TBX20: variants seen among roughly 807,000 people sequenced by gnomAD.
The protein encoded by TBX20 is T-box transcription factor TBX20.
A neutral mutation model predicts 42.9 loss-of-function variants in TBX20; 8 were observed. The ratio of observed to expected loss-of-function variants is 0.19; its 90% CI spans 0.11 to 0.34. TBX20 has a LOEUF of 0.34. TBX20 is among the 10% of genes least tolerant of loss of function. The pLI is 1.00. For synonymous variants in TBX20, 198 were observed against 222.8 expected (o/e 0.89, Z 0.99); for missense variants, 411 against 566.0 (o/e 0.73, Z 2.78).
At chr7:35,246,453 A>C (rs187727042) in intron 3 of TBX20, among the ~76,000 whole-genome samples, 44 of 152,298 alleles carry the variant, frequency 2.9e-4, no homozygotes, top group Non-Finnish European at 5.7e-4. Flanking sequence ...TAAAGTCCTA[A>C]AGTTGATGAA....
At position 35,243,706 on chromosome 7, in the gene TBX20, C is replaced by A. The variant is rs140824187; in HGVS notation, c.654+1243G>T. 6.4e-3 allele frequency among the ~76,000 whole-genome samples: 949 copies of A among 148,076 alleles called. 13 individuals carry two copies. Among genetic ancestry groups the A allele is most frequent in the African/African-American group, 0.022 (906 of 40,490 alleles). Reference sequence around the variant, plus strand: ...ATCAGTGGAAGCATGTTAAAAAAAACAAAAGAAAATTATGCCAATAACCTT... The same window carrying A: ...ATCAGTGGAAGCATGTTAAAAAAAAAAAAAGAAAATTATGCCAATAACCTT... On this transcript the variant is annotated intron_variant, in intron 4 of 7. Coordinates refer to ENST00000408931, the MANE Select transcript of TBX20 (RefSeq NM_001077653.2).
At position 35,253,476 on chromosome 7, in the gene TBX20, C is replaced by T. The variant is rs551552869; in HGVS notation, c.127+18G>A. The T allele has an allele frequency of 1.1e-4, 169 of 1,604,588 alleles. No homozygotes were observed. In the South Asian group the frequency reaches 1.7e-3, roughly 17 times the overall value. ...AGCATCCCCAGTCCTCGGCGGACAGCCGGGTAGCCCAACTTACCCAGGGGT... is the reference window on the plus strand; with the variant it reads ...AGCATCCCCAGTCCTCGGCGGACAGTCGGGTAGCCCAACTTACCCAGGGGT... On this transcript the variant is annotated intron_variant, in intron 1 of 7. Transcript: ENST00000408931.
At chr7:35,206,925 T>C (rs538089234) in intron 6 of TBX20, among the ~76,000 whole-genome samples, 1 of 152,336 alleles carries the variant, frequency 6.6e-6, no homozygotes, top group South Asian at 2.1e-4. Flanking sequence ...CACTTATTGA[T>C]GGATATTTGA....
At chr7:35,242,969 G>A (rs965321368) in intron 4 of TBX20, among the ~76,000 whole-genome samples, 4 of 152,048 alleles carry the variant, frequency 2.6e-5, no homozygotes, top group African/African-American at 9.7e-5. Flanking sequence ...TGGTGACAAA[G>A]GGTTATATTA....
rs557402130 is a variant in TBX20, at chr7:35,213,911, T to TA, written c.891-9330dup. Among the ~76,000 whole-genome samples the TA allele has an allele frequency of 4.8e-3, 661 of 138,798 alleles. 7 individuals carry two copies. Among genetic ancestry groups the TA allele is most frequent in the African/African-American group, 0.018 (624 of 34,012 alleles). 91.1% of individuals were successfully genotyped at this position (138,798 alleles called of 152,430 possible). A position where few individuals can be genotyped will look rare whatever the true frequency, so the allele number is the denominator to read the frequency against. The stretch of plus-strand genomic sequence containing the variant: ...AAAAAAAAAAAAAAAATTCCCTGTC[T>TA]AATGAGTGATGAGGGTAAAGGGAAG... On this transcript the variant is annotated intron_variant, in intron 6 of 7. Transcript: ENST00000408931.
chr7:35,222,783 T>C (rs1417994957), intron 6 of TBX20, among the ~76,000 whole-genome samples: 1 of 152,042 alleles, frequency 6.6e-6, no homozygotes, highest in Non-Finnish European at 1.5e-5. Flanking sequence ...GAGAGGCAAC[T>C]GGGTCAGGTG....
chr7:35,218,892 G>A (rs1789634244), intron 6 of TBX20, among the ~76,000 whole-genome samples: 1 of 152,172 alleles, frequency 6.6e-6, no homozygotes, highest in African/African-American at 2.4e-5. Context: ...AGAGCCTGAG[G>A]AAGCTTACTT....
chr7:35,232,805 A>G (rs1789892606), intron 5 of TBX20, among the ~76,000 whole-genome samples: 1 of 152,166 alleles, frequency 6.6e-6, no homozygotes, highest in South Asian at 2.1e-4. Flanking sequence ...TGGGCAGATC[A>G]TAAGGTCAGG....
At chr7:35,216,905 A>G (rs1584343990) in intron 6 of TBX20, among the ~76,000 whole-genome samples, 1 of 152,110 alleles carries the variant, frequency 6.6e-6, no homozygotes, top group African/African-American at 2.4e-5. Flanking sequence ...CATCTTACTG[A>G]GTCTTTGTAA....
At chr7:35,210,108 T>C (rs561733084) in intron 6 of TBX20, among the ~76,000 whole-genome samples, 2 of 148,754 alleles carry the variant, frequency 1.3e-5, no homozygotes, top group Admixed American at 6.8e-5. Context: ...TTTTAGATAA[T>C]ATTTTCTTTT....
At chr7:35,211,364 T>A (rs953974705) in intron 6 of TBX20, among the ~76,000 whole-genome samples, 1 of 152,220 alleles carries the variant, frequency 6.6e-6, no homozygotes, top group African/African-American at 2.4e-5. Context: ...ACATCTGGTA[T>A]AATTTTCTTT....
intron 6 of TBX20, among the ~76,000 whole-genome samples, chr7:35,221,096 G>C (rs919245316): frequency 2.0e-5 from 3 of 151,884 alleles, no homozygotes; most frequent in African/African-American, 7.2e-5. Context: ...GATAAATGGG[G>C]AATAGATTAA....
At chr7:35,214,986 T>A (rs1198481515) in intron 6 of TBX20, among the ~76,000 whole-genome samples, 1 of 152,180 alleles carries the variant, frequency 6.6e-6, no homozygotes, top group Non-Finnish European at 1.5e-5. Flanking sequence ...TGCACTTAAT[T>A]TGTTTTTTAA....
chr7:35,218,471 C>G (rs538685539), intron 6 of TBX20, among the ~76,000 whole-genome samples: 22 of 152,178 alleles, frequency 1.4e-4, no homozygotes, highest in Admixed American at 3.9e-4. Context: ...CTAAATTTCA[C>G]TCTAACTTCA....
chr7:35,242,007 T>A (rs73099148), intron 4 of TBX20, among the ~76,000 whole-genome samples: 1 of 151,786 alleles, frequency 6.6e-6, no homozygotes, highest in Non-Finnish European at 1.5e-5. Context: ...CATGCCCTCC[T>A]CTCCAAGGAG....
chr7:35,227,238 CTG>C (rs1295910586), intron 6 of TBX20, among the ~76,000 whole-genome samples: 1 of 151,930 alleles, frequency 6.6e-6, no homozygotes, highest in Non-Finnish European at 1.5e-5. Context: ...GAAAGTAAAA[CTG>C]TTATAATAAG....
chr7:35,204,326 G>A, intron 7 of TBX20, 144 bp downstream of exon 7: 2 of 710,286 alleles, frequency 2.8e-6, no homozygotes, highest in Non-Finnish European at 5.2e-6. Flanking sequence ...TCAGTGTCGG[G>A]GCTCTCCCTT....
chr7:35,238,405 C>T (rs1296614679), intron 5 of TBX20, among the ~76,000 whole-genome samples: 1 of 152,146 alleles, frequency 6.6e-6, no homozygotes, highest in East Asian at 1.9e-4. Flanking sequence ...AATTTACCTC[C>T]TCCTGCTTTG....
chr7:35,223,301 G>A (rs1157743345), intron 6 of TBX20, among the ~76,000 whole-genome samples: 1 of 152,152 alleles, frequency 6.6e-6, no homozygotes, highest in Non-Finnish European at 1.5e-5. Flanking sequence ...GTGCTCTTAG[G>A]GGGACAGGGA....
Sources: gnomAD v4.1 joint callset for allele counts (sites outside exome capture counted in the v4.1 genomes callset) on GRCh38, gnomAD v4.1.1 for gene constraint, MANE v1.5 for transcripts, NCBI Gene and HGNC (gene_info 2026-07-23, HGNC 2026-07-21) for gene names.